SGK1: variants seen among roughly 807,000 people sequenced by gnomAD.
The protein encoded by SGK1 is serum/glucocorticoid regulated kinase 1.
A neutral mutation model predicts 64.2 loss-of-function variants in SGK1; 26 were observed. The ratio of observed to expected loss-of-function variants is 0.40; its 90% CI spans 0.30 to 0.56. SGK1 has a LOEUF of 0.56. Among genes scored for constraint, SGK1 ranks in the 20% least tolerant of loss-of-function variants. The probability of loss-of-function intolerance (pLI) is 0.38; values close to 1 mark genes in which losing one functional copy is unlikely to be tolerated. For synonymous variants in SGK1, 265 were observed against 239.7 expected (o/e 1.11, Z -0.98); for missense variants, 519 against 645.6 (o/e 0.80, Z 2.12).
In SGK1 at chr6:134,170,287, G is replaced by A. The variant is rs1204532413; in HGVS notation, c.1562C>T (p.Pro521Leu). Residue 521 changes from proline (P) to leucine (L), a missense_variant, in exon 14 of 14, where the codon CCC (proline) becomes CTC (leucine). Transcript: ENST00000367858. ...CAGGGTTCAGAGGAAAGAGTCCGTG[G>A]GAGGCGCATAGGAAAAGCCTAGGAA... is the stretch of plus-strand genomic sequence containing the variant. ...EAFLGFSYAPPTDSFL is the reference protein window; with the variant it reads ...EAFLGFSYAPLTDSFL 6.2e-7 allele frequency: 1 copy of A among 1,613,102 alleles called. No homozygotes were observed. Among genetic ancestry groups the A allele is most frequent in the Non-Finnish European group, 8.5e-7 (1 of 1,179,378 alleles).
At chr6:134,189,684 CTAGT>C (rs142975033) in intron 3 of SGK1, among the ~76,000 whole-genome samples, 5 of 152,290 alleles carry the variant, frequency 3.3e-5, no homozygotes, top group East Asian at 1.9e-4. Flanking sequence ...CACAATAGAC[CTAGT>C]TAAAGTTCAT....
chr6:134,297,436 A>G lies in SGK1; in HGVS notation c.69+19956T>C, dbSNP rs150283325. The G allele has an allele frequency of 1.0e-3, 693 of 690,820 alleles. 7 individuals carry two copies. In the African/African-American group the frequency reaches 0.011, roughly 11 times the overall value. 42.8% of individuals were successfully genotyped at this position (690,820 alleles called of 1,614,324 possible). ...GCATCTGCGATGGCAGTCTCCAGGG[A>G]AGCCCTCTGGCCTTTGAGACCCTCA... On this transcript the variant is annotated intron_variant, in intron 1 of 13. Transcript: ENST00000367858.
chr6:134,275,270 C>T (rs779523266), intron 1 of SGK1, among the ~76,000 whole-genome samples: 1 of 152,016 alleles, frequency 6.6e-6, no homozygotes, highest in Non-Finnish European at 1.5e-5. Flanking sequence ...TGGTCTTAAA[C>T]TCCTGGCCTC....
intron 2 of SGK1, among the ~76,000 whole-genome samples, chr6:134,244,712 T>C (rs924922125): frequency 6.6e-6 from 1 of 152,350 alleles, no homozygotes. Context: ...ATCACTCGCC[T>C]TCTGCATTGG....
intron 1 of SGK1, among the ~76,000 whole-genome samples, chr6:134,276,465 G>A (rs1383391671): frequency 6.6e-6 from 1 of 152,190 alleles, no homozygotes; most frequent in Non-Finnish European, 1.5e-5. Flanking sequence ...AGTATGTGTG[G>A]CAAGCCAGAA....
chr6:134,283,269 T>A (rs1777122805), intron 1 of SGK1: 1 of 151,864 alleles, frequency 6.6e-6, no homozygotes, highest in Non-Finnish European at 1.5e-5. Flanking sequence ...GGCGGGTAGA[T>A]CACTTGAGGT....
chr6:134,254,301 A>T (rs985610916), intron 2 of SGK1, among the ~76,000 whole-genome samples: 1 of 152,158 alleles, frequency 6.6e-6, no homozygotes, highest in Non-Finnish European at 1.5e-5. Context: ...ACGCACACAC[A>T]TATCACACAG....
At chr6:134,314,947 C>T (rs548681097) in intron 1 of SGK1, among the ~76,000 whole-genome samples, 5 of 152,128 alleles carry the variant, frequency 3.3e-5, no homozygotes, top group Admixed American at 3.3e-4. Context: ...TTATTCTGAA[C>T]TGCAAACAAA....
At chr6:134,174,423 G>T in intron 4 of SGK1, 88 bp downstream of exon 4, 2 of 920,750 alleles carry the variant, frequency 2.2e-6, no homozygotes, top group Non-Finnish European at 3.4e-6. Context: ...AGAAGTCTTC[G>T]CCTTCCCGAT....
chr6:134,175,398 C>T (rs372436125), intron 3 of SGK1: 2 of 1,269,438 alleles, frequency 1.6e-6, no homozygotes, highest in Non-Finnish European at 1.0e-6. Context: ...GGGCGCAGGC[C>T]TGCGCGCGCG....
At chr6:134,268,592 G>C (rs1050860055) in intron 1 of SGK1, among the ~76,000 whole-genome samples, 1 of 146,416 alleles carries the variant, frequency 6.8e-6, no homozygotes, top group Admixed American at 7.0e-5. Flanking sequence ...GCGTAGTGGA[G>C]GGTGCCTGTA....
At chr6:134,213,187 A>G (rs1582715193) in intron 2 of SGK1, among the ~76,000 whole-genome samples, 1 of 152,156 alleles carries the variant, frequency 6.6e-6, no homozygotes, top group Non-Finnish European at 1.5e-5. Context: ...TATAACTCCT[A>G]TAGCTTTAGG....
intron 2 of SGK1, among the ~76,000 whole-genome samples, chr6:134,247,437 A>G (rs1776541275): frequency 1.3e-5 from 2 of 152,188 alleles, no homozygotes; most frequent in Non-Finnish European, 2.9e-5. Flanking sequence ...ACAAAGCCAC[A>G]AACACAGAAC....
chr6:134,235,443 TG>T (rs1345141755), intron 2 of SGK1, among the ~76,000 whole-genome samples: 27 of 151,982 alleles, frequency 1.8e-4, no homozygotes, highest in African/African-American at 6.3e-4. Flanking sequence ...CTTCAAACCC[TG>T]TTTAGAAAAA....
chr6:134,298,999 C>G (rs775632066), intron 1 of SGK1, among the ~76,000 whole-genome samples: 4 of 151,806 alleles, frequency 2.6e-5, no homozygotes, highest in Non-Finnish European at 4.4e-5. Context: ...AGGGGTTTCA[C>G]CATGCTGGCC....
intron 2 of SGK1, among the ~76,000 whole-genome samples, chr6:134,209,196 G>A (rs1394870090): frequency 6.6e-6 from 1 of 152,130 alleles, no homozygotes. Flanking sequence ...CACTTTGGGA[G>A]GCCGAGGCGG....
chr6:134,295,113 A>G (rs905043182), intron 1 of SGK1, among the ~76,000 whole-genome samples: 2 of 152,008 alleles, frequency 1.3e-5, no homozygotes, highest in African/African-American at 4.8e-5. Flanking sequence ...CTCCATTGAC[A>G]TTCTCCTGCC....
intron 2 of SGK1, chr6:134,261,288 C>T (rs4896036): frequency 0.51 from 77,437 of 153,060 alleles, 20,886 homozygotes; most frequent in African/African-American, 0.69. Context: ...CTATTACAAT[C>T]GTTGTATCAT....
At chr6:134,174,746 A>C in intron 3 of SGK1, 160 bp from the exon 4 acceptor site, 1 of 1,614,192 alleles carries the variant, frequency 6.2e-7, no homozygotes, top group Non-Finnish European at 8.5e-7. Flanking sequence ...GAGAATTGCC[A>C]CCATGCCCCT....
Sources: allele counts gnomAD v4.1 joint callset (sites outside exome capture counted in the v4.1 genomes callset), GRCh38; gene constraint gnomAD v4.1.1; transcripts MANE v1.5; gene names NCBI Gene and HGNC (gene_info 2026-07-23, HGNC 2026-07-21).